Variants in HOXD10 observed in about 807,000 individuals in gnomAD.
HOXD10 encodes homeobox protein Hox-D10.
A neutral mutation model predicts 27.0 loss-of-function variants in HOXD10; 15 were observed. The ratio of observed to expected loss-of-function variants is 0.56; its 90% CI spans 0.37 to 0.85. The LOEUF (loss-of-function observed/expected upper bound fraction) is 0.85, where lower values mean the gene tolerates loss of function less well. HOXD10 is among the 40% of genes least tolerant of loss of function. The probability of loss-of-function intolerance (pLI) is 0.00; values close to 1 mark genes in which losing one functional copy is unlikely to be tolerated. For missense variants in HOXD10, 440 were observed against 430.4 expected (o/e 1.02, Z -0.20); for synonymous variants, 178 against 160.9 (o/e 1.11, Z -0.80).
In HOXD10 at chr2:176,118,893, C is replaced by A. The variant is rs1157809487; in HGVS notation, c.746-61C>A. 6 of 1,439,494 alleles carry A rather than the reference C, an allele frequency of 4.2e-6. No individual in the cohort carries two copies. The East Asian group carries it at 1.4e-4, about 33-fold the overall frequency. 89.2% of individuals were successfully genotyped at this position (1,439,494 alleles called of 1,614,324 possible). ...ACCAAAACCAAAACAAAAACAAAAA[C>A]AAAAACAAACAAACAAAAAACCTCT... On this transcript the variant is annotated intron_variant, in intron 1 of 1. Coordinates refer to ENST00000249501, the MANE Select transcript of HOXD10 (RefSeq NM_002148.4).
At chr2:176,118,155 G>T (rs1264653481) in intron 1 of HOXD10, among the ~76,000 whole-genome samples, 1 of 152,224 alleles carries the variant, frequency 6.6e-6, no homozygotes, top group African/African-American at 2.4e-5. Flanking sequence ...CGGCAAAGAG[G>T]GCAAAGGCGG....
In HOXD10 at chr2:176,119,437, A is replaced by G. The variant is rs868079494; in HGVS notation, c.*206A>G. ...CAAGTGATCTGTAATCCCTATGAGTATATATATATATATATATATATATAT... is the reference window on the plus strand; with the variant it reads ...CAAGTGATCTGTAATCCCTATGAGTGTATATATATATATATATATATATAT... On this transcript the variant is annotated 3_prime_UTR_variant, in exon 2 of 2. Transcript: ENST00000249501. 124 of 138,304 alleles carry G rather than the reference A, an allele frequency of 9.0e-4. 4 individuals are homozygous for G. The South Asian group carries it at 0.02, about 23-fold the overall frequency. The allele number at this position is 138,304 out of a possible 1,614,324, so 8.6% of individuals were successfully genotyped here. A position where few individuals can be genotyped will look rare whatever the true frequency, so the allele number is the denominator to read the frequency against.
In HOXD10 at chr2:176,116,957, G is replaced by C. The variant is rs746196362; in HGVS notation, c.124G>C (p.Asp42His). The C allele has an allele frequency of 6.2e-7, 1 of 1,614,182 alleles. No individual in the cohort carries two copies. Among genetic ancestry groups the C allele is most frequent in the Non-Finnish European group, 8.5e-7 (1 of 1,180,040 alleles). Residue 42 changes from aspartate to histidine, a missense_variant, in exon 1 of 2, where the codon GAC (aspartate) becomes CAC (histidine). Physicochemically the swap from Asp to His is moderately conservative, Grantham distance 81. Transcript: ENST00000249501. ...CATGTACATGCCACCACCTAGCGCA[G>C]ACATGGGGACCTATGGAATGCAAAC... ...ASMYMPPPSA[D>H]MGTYGMQTCG...
rs995488163 is a variant in HOXD10, at chr2:176,119,443, A to G, written c.*212A>G. 2.7e-3 allele frequency: 409 copies of G among 150,624 alleles called. 1 individual carries two copies. The highest frequency in any genetic ancestry group is 5.1e-3 in the Non-Finnish European group (356 of 69,910). 9.3% of individuals were successfully genotyped at this position (150,624 alleles called of 1,614,324 possible). A position where few individuals can be genotyped will look rare whatever the true frequency, so the allele number is the denominator to read the frequency against. ...ATCTGTAATCCCTATGAGTATATATATATATATATATATATATATATAAAA... is the reference window on the plus strand; with the variant it reads ...ATCTGTAATCCCTATGAGTATATATGTATATATATATATATATATATAAAA... On this transcript the variant is annotated 3_prime_UTR_variant, in exon 2 of 2. Transcript: ENST00000249501.
Position 176,117,214 on chromosome 2 carries a change from G to A in HOXD10, c.381G>A (p.Glu127=), listed in dbSNP as rs1235119672. 1.2e-6 allele frequency: 2 copies of A among 1,612,712 alleles called. No homozygotes were observed. Among genetic ancestry groups the A allele is most frequent in the Admixed American group, 3.3e-5 (2 of 59,980 alleles). ...AGCGCAACAAACTCATTTCGGCCGA[G>A]GTCCCTTCGTACCAGAGGCTGGTCC... The part of the protein sequence containing the change: ...SDKRNKLISA[E]VPSYQRLVPE... Residue 127 remains glutamate (E), a synonymous_variant, in exon 1 of 2, where the codon GAG becomes GAA. Transcript: ENST00000249501.
chr2:176,118,636 AT>A (rs1212131642), intron 1 of HOXD10, among the ~76,000 whole-genome samples: 5 of 152,166 alleles, frequency 3.3e-5, no homozygotes. Flanking sequence ...TATTCTACTA[AT>A]GTTTTGTACA....
At position 176,119,623 on chromosome 2, in the gene HOXD10, G is replaced by T. The variant is rs1365381053; in HGVS notation, c.*392G>T. ...TTTCATGTCTTTCCTAACACAAAAG[G>T]TCTATGTGTGTGGTTAGTCCATGAA... On this transcript the variant is annotated 3_prime_UTR_variant, in exon 2 of 2. Coordinates refer to ENST00000249501, the MANE Select transcript of HOXD10 (RefSeq NM_002148.4). 6.6e-6 allele frequency: 1 copy of T among 152,326 alleles called. No homozygotes were observed. The highest frequency in any genetic ancestry group is 1.5e-5 in the Non-Finnish European group (1 of 68,008). The allele number at this position is 152,326 out of a possible 1,614,324, so 9.4% of individuals were successfully genotyped here. A position where few individuals can be genotyped will look rare whatever the true frequency, so the allele number is the denominator to read the frequency against.
At chr2:176,117,693 C>T in intron 1 of HOXD10, 115 bp downstream of exon 1, 1 of 1,210,606 alleles carries the variant, frequency 8.3e-7, no homozygotes, top group Non-Finnish European at 1.2e-6. Context: ...GGTGCTGCTC[C>T]GCCTGGTTTT....
rs779016325 is a variant in HOXD10, at chr2:176,117,491, G to T, written c.658G>T (p.Glu220Ter). Residue 220 changes from glutamate to a stop codon, truncating the protein, a stop_gained, in exon 1 of 2, where the codon GAG becomes TAG. Transcript: ENST00000249501. LOFTEE classifies it high-confidence loss of function. ...PTKVSQVESP[E>*]AKGGLPEERS... The stretch of plus-strand genomic sequence containing the variant: ...CAAAGTCTCCCAGGTGGAGAGCCCC[G>T]AGGCCAAAGGCGGCCTTCCCGAAGA... The T allele has an allele frequency of 1.1e-5, 17 of 1,613,050 alleles. No individual in the cohort carries two copies. Among genetic ancestry groups the T allele is most frequent in the Admixed American group, 1.7e-5 (1 of 60,018 alleles).
chr2:176,117,064 AG>A lies in HOXD10; in HGVS notation c.232del (p.Val78Ter), dbSNP rs1210361338. ...TGAATGTGCATCCTTATATACCTCA[AG>A]TAGACAGTTGGACAGATCCGAACAG... Reference protein sequence around the residue: ...GMNVHPYIPQVDSWTDPNRSC... With the variant: ...GMNVHPYIPQXDSWTDPNRSC... On this transcript the variant is annotated frameshift_variant, in exon 1 of 2. Transcript: ENST00000249501. LOFTEE classifies it high-confidence loss of function. 5.0e-6 allele frequency: 8 copies of A among 1,614,110 alleles called. No homozygotes were observed.
At position 176,119,435 on chromosome 2, in the gene HOXD10, G is replaced by GTGTATATATATATATATA. The variant is rs1553518836; in HGVS notation, c.*205_*206insGTATATATATATATATAT. 1.1e-5 allele frequency: 2 copies of GTGTATATATATATATATA among 177,804 alleles called. No individual in the cohort carries two copies. The allele number at this position is 177,804 out of a possible 1,614,324, so 11.0% of individuals were successfully genotyped here. A position where few individuals can be genotyped will look rare whatever the true frequency, so the allele number is the denominator to read the frequency against. On this transcript the variant is annotated 3_prime_UTR_variant, in exon 2 of 2. Coordinates refer to ENST00000249501, the MANE Select transcript of HOXD10 (RefSeq NM_002148.4). ...TGCAAGTGATCTGTAATCCCTATGA[G>GTGTATATATATATATATA]TATATATATATATATATATATATAT...
chr2:176,119,567 C>G lies in HOXD10; in HGVS notation c.*336C>G, dbSNP rs1215992236. 1 of 152,140 alleles carries G rather than the reference C, an allele frequency of 6.6e-6. No individual in the cohort carries two copies. The highest frequency in any genetic ancestry group is 1.5e-5 in the Non-Finnish European group (1 of 68,070). 9.4% of individuals were successfully genotyped at this position (152,140 alleles called of 1,614,324 possible). ...TTAACTTATTGGAACTGTAGAGCAT[C>G]CATCCATCCATCCATCCAGCAATGT... is the stretch of plus-strand genomic sequence containing the variant. On this transcript the variant is annotated 3_prime_UTR_variant, in exon 2 of 2. Coordinates refer to ENST00000249501, the MANE Select transcript of HOXD10 (RefSeq NM_002148.4).
At position 176,117,589 on chromosome 2, in the gene HOXD10, G is replaced by C. The variant is rs1029466773; in HGVS notation, c.745+11G>C. 6.2e-7 allele frequency: 1 copy of C among 1,612,564 alleles called. No individual in the cohort carries two copies. Among genetic ancestry groups the C allele is most frequent in the Non-Finnish European group, 8.5e-7 (1 of 1,180,034 alleles). On this transcript the variant is annotated intron_variant, in intron 1 of 1. Transcript: ENST00000249501. ...AGAAGGAAAGCAAAGGTCGGTATGA[G>C]CAGAGTTGCCACCCCAGCGGGGCGC...
In HOXD10 at chr2:176,117,343, C is replaced by A. The variant is rs748360990; in HGVS notation, c.510C>A (p.Pro170=). The stretch of plus-strand genomic sequence containing the variant: ...AAACCCAAGAGTACAATAATAGCCC[C>A]GAAGGCAGCTCCACTGTCATGCTCC... ...TGKTQEYNNS[P]EGSSTVMLQL... Residue 170 remains proline, a synonymous_variant, in exon 1 of 2, where the codon CCC becomes CCA. Transcript: ENST00000249501. 1.2e-6 allele frequency: 2 copies of A among 1,613,796 alleles called. No homozygotes were observed. Among genetic ancestry groups the A allele is most frequent in the Non-Finnish European group, 8.5e-7 (1 of 1,180,006 alleles).
Position 176,117,172 on chromosome 2 carries a change from CT to C in HOXD10, c.340del (p.Cys114AlafsTer41). ...CCAACATTAAGGAAGAATCCAATTG[CT>C]GCATGTATTCTGATAAGCGCAACAA... ...TTNIKEESNC[C>X]MYSDKRNKLI... On this transcript the variant is annotated frameshift_variant, in exon 1 of 2. Coordinates refer to ENST00000249501, the MANE Select transcript of HOXD10 (RefSeq NM_002148.4). LOFTEE classifies it high-confidence loss of function. The C allele has an allele frequency of 1.2e-6, 2 of 1,614,182 alleles. No individual in the cohort carries two copies.
chr2:176,119,435 GTATATATATATA>G lies in HOXD10; in HGVS notation c.*223_*234del, dbSNP rs6147035. 3.1e-4 allele frequency: 55 copies of G among 178,034 alleles called. 4 individuals carry two copies. Among genetic ancestry groups the G allele is most frequent in the Middle Eastern group, 4.4e-3 (2 of 458 alleles). 11.0% of individuals were successfully genotyped at this position (178,034 alleles called of 1,614,324 possible). On this transcript the variant is annotated 3_prime_UTR_variant, in exon 2 of 2. Transcript: ENST00000249501. Reference sequence around the variant, plus strand: ...TGCAAGTGATCTGTAATCCCTATGAGTATATATATATATATATATATATATATATAAAAACTT... The same window carrying G: ...TGCAAGTGATCTGTAATCCCTATGAGTATATATATATATATATAAAAACTT...
rs1689820511 is a variant in HOXD10, at chr2:176,119,135, G to C, written c.927G>C (p.Gln309His). 1.2e-6 allele frequency: 2 copies of C among 1,614,012 alleles called. No homozygotes were observed. Among genetic ancestry groups the C allele is most frequent in the Admixed American group, 1.7e-5 (1 of 60,012 alleles). Reference sequence around the variant, plus strand: ...AGAGCGTTAACCTCACCGACAGGCAGGTCAAGATTTGGTTTCAAAACCGCC... The same window carrying C: ...AGAGCGTTAACCTCACCGACAGGCACGTCAAGATTTGGTTTCAAAACCGCC... ...ISKSVNLTDR[Q>H]VKIWFQNRRM... is the part of the protein sequence containing the mutation. The change falls in exon 2 of 2, where the codon CAG becomes CAC. Residue 309 changes from glutamine to histidine, a missense_variant. Physicochemically the swap from Gln to His is conservative, Grantham distance 24 (BLOSUM62 0). Transcript: ENST00000249501.
rs1378135137 is a variant in HOXD10, at chr2:176,117,235, G to T, written c.402G>T (p.Leu134=). The T allele has an allele frequency of 1.2e-6, 2 of 1,611,386 alleles. No individual in the cohort carries two copies. The highest frequency in any genetic ancestry group is 3.3e-5 in the Admixed American group (2 of 59,926). Residue 134 remains leucine, a synonymous_variant, in exon 1 of 2, where the codon CTG becomes CTT. Coordinates refer to ENST00000249501, the MANE Select transcript of HOXD10 (RefSeq NM_002148.4). ...CCGAGGTCCCTTCGTACCAGAGGCT[G>T]GTCCCTGAGTCTTGTCCCGTTGAGA... The part of the protein sequence containing the change: ...ISAEVPSYQR[L]VPESCPVENP...
rs1689827317 is a variant in HOXD10 at position 176,119,434 on chromosome 2, A to ATTATATATATATATAT, written c.*203_*204insTTATATATATATATAT. 1 of 196,686 alleles carries ATTATATATATATATAT rather than the reference A, an allele frequency of 5.1e-6. No individual in the cohort carries two copies. The highest frequency in any genetic ancestry group is 1.2e-4 in the African/African-American group (1 of 8,298). 12.2% of individuals were successfully genotyped at this position (196,686 alleles called of 1,614,324 possible). On this transcript the variant is annotated 3_prime_UTR_variant, in exon 2 of 2. Coordinates refer to ENST00000249501, the MANE Select transcript of HOXD10 (RefSeq NM_002148.4). ...CTGCAAGTGATCTGTAATCCCTATG[A>ATTATATATATATATAT]GTATATATATATATATATATATATA...
Sources: gnomAD v4.1 joint callset for allele counts (sites outside exome capture counted in the v4.1 genomes callset) on GRCh38, gnomAD v4.1.1 for gene constraint, MANE v1.5 for transcripts, NCBI Gene and HGNC (gene_info 2026-07-23, HGNC 2026-07-21) for gene names.